ANP32A: variants seen among roughly 807,000 people sequenced by gnomAD.
ANP32A encodes acidic nuclear phosphoprotein 32 family member A, also known as acidic leucine-rich nuclear phosphoprotein 32 family member A.
Under a neutral mutation model 33.9 loss-of-function variants are expected in ANP32A, and 1 was observed. That is an observed-to-expected ratio of 0.03 (90% CI 0.01 to 0.14). The LOEUF (loss-of-function observed/expected upper bound fraction) is 0.14, where lower values mean the gene tolerates loss of function less well. Among genes scored for constraint, ANP32A ranks in the 10% least tolerant of loss-of-function variants. The pLI is 1.00. For missense variants in ANP32A, 155 were observed against 306.0 expected, an observed-to-expected ratio of 0.51 and a Z score of 3.68; for synonymous variants, 115 against 120.5, an observed-to-expected ratio of 0.95 and a Z score of 0.30.
At chr15:68,801,427 G>A (rs1034530151) in intron 1 of ANP32A, among the ~76,000 whole-genome samples, 5 of 152,042 alleles carry the variant, frequency 3.3e-5, no homozygotes, top group African/African-American at 4.8e-5. Flanking sequence ...TACAAACTGT[G>A]TGGCTTTGGA....
chr15:68,784,385 C>T lies in ANP32A; in HGVS notation c.526+12G>A, dbSNP rs746653362. The T allele has an allele frequency of 1.2e-6, 2 of 1,613,108 alleles. No homozygotes were observed. The highest frequency in any genetic ancestry group is 2.7e-5 in the African/African-American group (2 of 74,898). ...GGGCCCCTGCAGCCCTGGGCCGCAC[C>T]CTGTCACCCACCATCCTCATCCTCC... On this transcript the variant is annotated intron_variant, in intron 4 of 6. Coordinates refer to ENST00000465139, the MANE Select transcript of ANP32A (RefSeq NM_006305.4).
chr15:68,810,139 G>A (rs1894292648), intron 1 of ANP32A, among the ~76,000 whole-genome samples: 1 of 152,196 alleles, frequency 6.6e-6, no homozygotes, highest in Non-Finnish European at 1.5e-5. Context: ...GAGGCCCAGA[G>A]AGAGTGGGGC....
At chr15:68,804,661 G>A (rs564285852) in intron 1 of ANP32A, among the ~76,000 whole-genome samples, 9 of 152,008 alleles carry the variant, frequency 5.9e-5, no homozygotes, top group South Asian at 2.1e-4. Context: ...GATTACAGGC[G>A]CCCACCACCA....
chr15:68,812,960 G>A (rs1017567066), intron 1 of ANP32A: 3 of 152,196 alleles, frequency 2.0e-5, no homozygotes, highest in African/African-American at 4.8e-5. Context: ...TAGCAAAGCC[G>A]AGAAGAGCAT....
rs767154041 is a variant in ANP32A at position 68,787,382 on chromosome 15, C to A, written c.327+31G>T. 4.3e-6 allele frequency: 7 copies of A among 1,613,932 alleles called. No homozygotes were observed. The South Asian group carries it at 7.7e-5, about 18-fold the overall frequency. On this transcript the variant is annotated intron_variant, in intron 3 of 6. Transcript: ENST00000465139. ...TGCCAATTCCTCCCACCTCCTACCC[C>A]TGCAGGGAGGGGAGGGTCCGAATGA...
intron 1 of ANP32A, among the ~76,000 whole-genome samples, chr15:68,811,965 G>A (rs1302116886): frequency 6.6e-6 from 1 of 151,830 alleles, no homozygotes; most frequent in Non-Finnish European, 1.5e-5. Flanking sequence ...CTGGCCTCAG[G>A]TGCTCTGCCT....
chr15:68,815,611 T>G (rs533286254), intron 1 of ANP32A, among the ~76,000 whole-genome samples: 19 of 152,326 alleles, frequency 1.2e-4, no homozygotes, highest in African/African-American at 3.6e-4. Flanking sequence ...GTGGTACTCC[T>G]GTGATTGGGG....
intron 3 of ANP32A, among the ~76,000 whole-genome samples, chr15:68,786,126 A>G (rs1165792581): frequency 6.6e-6 from 1 of 151,232 alleles, no homozygotes; most frequent in African/African-American, 2.4e-5. Context: ...AACCCTGAAA[A>G]CTCCAGCCCA....
At chr15:68,814,478 A>C (rs11072054) in intron 1 of ANP32A, among the ~76,000 whole-genome samples, 142,185 of 151,852 alleles carry the variant, frequency 0.94, 66,981 homozygotes, top group Non-Finnish European at 0.98. Flanking sequence ...AAAGATGGCC[A>C]ACTGTGTAAG....
At chr15:68,820,472 C>G (rs1894457485) in intron 1 of ANP32A, among the ~76,000 whole-genome samples, 1 of 152,132 alleles carries the variant, frequency 6.6e-6, no homozygotes, top group African/African-American at 2.4e-5. Context: ...CGCGGGAGCA[C>G]ACGCACAGGT....
At chr15:68,800,673 GGCGGAGCTTGCA>G (rs1894119707) in intron 1 of ANP32A, among the ~76,000 whole-genome samples, 2 of 66,958 alleles carry the variant, frequency 3.0e-5, no homozygotes, top group East Asian at 6.2e-4. Flanking sequence ...GAACCAGGGA[GGCGGAGCTTGCA>G]GTGAGCCGAG....
chr15:68,780,322 A>C lies in ANP32A; in HGVS notation c.688+88T>G. 1.2e-6 allele frequency: 2 copies of C among 1,602,520 alleles called. No individual in the cohort carries two copies. The highest frequency in any genetic ancestry group is 2.2e-5 in the South Asian group (2 of 89,686). On this transcript the variant is annotated intron_variant, in intron 6 of 6. Coordinates refer to ENST00000465139, the MANE Select transcript of ANP32A (RefSeq NM_006305.4). This position sits in a 1 kb window ranked among gnomAD's most constrained non-coding sequence, Gnocchi z 4.3. The stretch of plus-strand genomic sequence containing the variant: ...GGCCTCTGACAGGAGTGTCCTGCCC[A>C]CTGCCAGGGGCCTCTGAGTCTAAGC...
intron 1 of ANP32A, among the ~76,000 whole-genome samples, chr15:68,792,805 C>T (rs760093571): frequency 7.2e-5 from 11 of 152,190 alleles, no homozygotes; most frequent in Non-Finnish European, 1.5e-4. Flanking sequence ...GATCTCAGCT[C>T]TCTCCCCCAG....
At chr15:68,800,620 T>G (rs1252623102) in intron 1 of ANP32A, among the ~76,000 whole-genome samples, 1 of 123,542 alleles carries the variant, frequency 8.1e-6, no homozygotes, top group Non-Finnish European at 1.8e-5. Context: ...GGCGGGCACC[T>G]GTAGTCCCAG....
At chr15:68,797,190 G>A (rs1008695306) in intron 1 of ANP32A, among the ~76,000 whole-genome samples, 2 of 152,168 alleles carry the variant, frequency 1.3e-5, no homozygotes, top group African/African-American at 2.4e-5. Flanking sequence ...CGGGTGCTGG[G>A]TTCTGAATGT....
chr15:68,800,689 AGCCG>A (rs1894120533), intron 1 of ANP32A, among the ~76,000 whole-genome samples: 2 of 2,976 alleles, frequency 6.7e-4, no homozygotes, highest in East Asian at 5.6e-3. Context: ...GCTTGCAGTG[AGCCG>A]AGATCCCGCC....
At chr15:68,808,891 C>T (rs368116154) in intron 1 of ANP32A, among the ~76,000 whole-genome samples, 3 of 152,268 alleles carry the variant, frequency 2.0e-5, no homozygotes. Flanking sequence ...TCAGCAAACA[C>T]ACTCTGCGGG....
In ANP32A at chr15:68,779,948, T is replaced by C. The variant is rs1596061896; in HGVS notation, c.*133A>G. 5.1e-6 allele frequency: 2 copies of C among 391,524 alleles called. No homozygotes were observed. The highest frequency in any genetic ancestry group is 8.7e-6 in the Non-Finnish European group (2 of 230,788). 24.3% of individuals were successfully genotyped at this position (391,524 alleles called of 1,614,324 possible). On this transcript the variant is annotated 3_prime_UTR_variant, in exon 7 of 7. Coordinates refer to ENST00000465139, the MANE Select transcript of ANP32A (RefSeq NM_006305.4). ...CGCAACCCCCAGTACACTCTTCCCC[T>C]CTCGTTCCCACAGCAACGTTACAAT...
At chr15:68,816,059 A>C (rs1224009209) in intron 1 of ANP32A, among the ~76,000 whole-genome samples, 1 of 152,178 alleles carries the variant, frequency 6.6e-6, no homozygotes, top group African/African-American at 2.4e-5. Flanking sequence ...TGATGTGCTA[A>C]AGCAAACTCA....
Sources: gnomAD v4.1 joint callset for allele counts (sites outside exome capture counted in the v4.1 genomes callset) on GRCh38, gnomAD v4.1.1 for gene constraint, Gnocchi (gnomAD v3.1) non-coding constraint, MANE v1.5 for transcripts, NCBI Gene and HGNC (gene_info 2026-07-23, HGNC 2026-07-21) for gene names.